LUZP2: variants seen among roughly 807,000 people sequenced by gnomAD.
LUZP2 encodes leucine zipper protein 2.
In LUZP2, 52 loss-of-function variants were observed where a neutral mutation model predicts 51.6. The ratio of observed to expected loss-of-function variants is 1.01; its 90% CI spans 0.81 to 1.27. The LOEUF is 1.27. Ranked by LOEUF, LUZP2 falls within the 50% of genes most tolerant of loss-of-function variation. The pLI is 0.00. For synonymous variants in LUZP2, 154 were observed against 137.3 expected, an observed-to-expected ratio of 1.12 and a Z score of -0.85; for missense variants, 436 against 395.4, an observed-to-expected ratio of 1.10 and a Z score of -0.87.
chr11:25,022,479 T>C (rs1044245670), intron 9 of LUZP2, among the ~76,000 whole-genome samples: 6 of 152,108 alleles, frequency 3.9e-5, no homozygotes, highest in African/African-American at 1.2e-4. Context: ...AAATAGGGAA[T>C]GCAATTTATA....
intron 1 of LUZP2, among the ~76,000 whole-genome samples, chr11:24,575,045 C>T (rs1852598216): frequency 6.6e-6 from 1 of 152,084 alleles, no homozygotes. Flanking sequence ...CAACTTGAAA[C>T]ATTTCTGTCA....
At chr11:24,751,297 A>T (rs2134009128) in intron 4 of LUZP2, among the ~76,000 whole-genome samples, 1 of 152,298 alleles carries the variant, frequency 6.6e-6, no homozygotes, top group Admixed American at 6.5e-5. Flanking sequence ...GACTCACAGA[A>T]ATGAATATAT....
At chr11:24,762,684 G>A (rs184187958) in intron 4 of LUZP2, among the ~76,000 whole-genome samples, 2 of 152,020 alleles carry the variant, frequency 1.3e-5, no homozygotes, top group African/African-American at 2.4e-5. Context: ...CAAAGCACTC[G>A]GGCAGGTAAT....
chr11:24,906,003 A>G lies in LUZP2; in HGVS notation c.409A>G (p.Lys137Glu). ...RDLQNENKSL[K>E]NKLLSGNKLC... ...TTTTCTTCCTCAGAATAAAAGCTTG[A>G]AAAACAAACTCTTGTCAGGAAACAA... The change falls in exon 6 of 12, where the codon AAA (lysine) becomes GAA (glutamate). Residue 137 changes from lysine to glutamate, a missense_variant. By Grantham distance (56) the Lys-to-Glu change is moderately conservative (BLOSUM62 1). Coordinates refer to ENST00000336930, the MANE Select transcript of LUZP2 (RefSeq NM_001009909.4). The G allele has an allele frequency of 1.2e-6, 2 of 1,612,704 alleles. No individual in the cohort carries two copies.
At chr11:24,651,590 T>G (rs1470556755) in intron 1 of LUZP2, among the ~76,000 whole-genome samples, 1 of 152,174 alleles carries the variant, frequency 6.6e-6, no homozygotes, top group Non-Finnish European at 1.5e-5. Flanking sequence ...TTAAAAATTT[T>G]AATTAGCTGG....
chr11:24,958,149 T>C (rs1472727859), intron 7 of LUZP2, among the ~76,000 whole-genome samples: 1 of 152,226 alleles, frequency 6.6e-6, no homozygotes, highest in African/African-American at 2.4e-5. Flanking sequence ...ATCCAGTCTA[T>C]CATTGTTGGA....
At chr11:24,867,241 T>A (rs1244279438) in intron 5 of LUZP2, among the ~76,000 whole-genome samples, 1 of 151,812 alleles carries the variant, frequency 6.6e-6, no homozygotes, top group Non-Finnish European at 1.5e-5. Context: ...GACTCCAGAG[T>A]AGGATTTTAG....
chr11:24,833,712 G>GCGCA (rs112834221), intron 5 of LUZP2, among the ~76,000 whole-genome samples: 3 of 147,132 alleles, frequency 2.0e-5, no homozygotes, highest in African/African-American at 7.5e-5. Context: ...CCGCGCGCGC[G>GCGCA]CACACACACA....
chr11:24,862,941 C>G (rs1244486426), intron 5 of LUZP2, among the ~76,000 whole-genome samples: 1 of 151,920 alleles, frequency 6.6e-6, no homozygotes, highest in African/African-American at 2.4e-5. Flanking sequence ...AATTAATAAG[C>G]ACAAGGAAAG....
chr11:25,032,527 C>G (rs1323695642), intron 9 of LUZP2, among the ~76,000 whole-genome samples: 1 of 152,104 alleles, frequency 6.6e-6, no homozygotes, highest in Non-Finnish European at 1.5e-5. Flanking sequence ...CTCCCTCACC[C>G]AGAAATGTCA....
intron 9 of LUZP2, among the ~76,000 whole-genome samples, chr11:25,023,666 C>T (rs577462438): frequency 6.6e-6 from 1 of 151,920 alleles, no homozygotes; most frequent in Admixed American, 6.6e-5. Flanking sequence ...TATTTCTTGC[C>T]TTCTGCTAGC....
chr11:24,701,574 ATAT>A (rs1857423418), intron 1 of LUZP2: 2 of 154,462 alleles, frequency 1.3e-5, no homozygotes, highest in African/African-American at 4.8e-5. Context: ...AATCTGATTA[ATAT>A]TATACATAGT....
intron 5 of LUZP2, among the ~76,000 whole-genome samples, chr11:24,804,688 T>C (rs1457442953): frequency 6.6e-6 from 1 of 152,140 alleles, no homozygotes; most frequent in Non-Finnish European, 1.5e-5. Flanking sequence ...ATGACCTGTT[T>C]TAGAGAAAGG....
At chr11:24,829,206 G>A (rs2716487) in intron 5 of LUZP2, among the ~76,000 whole-genome samples, 10 of 152,152 alleles carry the variant, frequency 6.6e-5, no homozygotes, top group Admixed American at 2.0e-4. Flanking sequence ...AGAGAGGGGA[G>A]TGAAGTAAGA....
At chr11:24,515,289 C>T (rs1262136415) in intron 1 of LUZP2, among the ~76,000 whole-genome samples, 1 of 152,138 alleles carries the variant, frequency 6.6e-6, no homozygotes, top group African/African-American at 2.4e-5. Flanking sequence ...TCCTCTGTAA[C>T]TTACTCTCTT....
chr11:24,601,998 GTATA>G (rs774764349), intron 1 of LUZP2, among the ~76,000 whole-genome samples: 5 of 73,476 alleles, frequency 6.8e-5, no homozygotes, highest in African/African-American at 2.6e-4. Context: ...GTGTATATAT[GTATA>G]TATATGTATA....
intron 5 of LUZP2, among the ~76,000 whole-genome samples, chr11:24,795,537 G>T (rs555305154): frequency 3.9e-4 from 59 of 152,160 alleles, no homozygotes; most frequent in Middle Eastern, 3.4e-3. Context: ...AAGGTACTGG[G>T]CTCATTTCAT....
intron 5 of LUZP2, among the ~76,000 whole-genome samples, chr11:24,814,035 T>A (rs1447638360): frequency 1.3e-5 from 2 of 152,232 alleles, no homozygotes; most frequent in African/African-American, 4.8e-5. Context: ...TTGTACACAG[T>A]GAACAATTGG....
At chr11:25,033,878 G>A (rs569890532) in intron 9 of LUZP2, among the ~76,000 whole-genome samples, 12 of 152,132 alleles carry the variant, frequency 7.9e-5, no homozygotes, top group South Asian at 4.1e-4. Flanking sequence ...GAATGGTGCC[G>A]CAATGAACAT....
Sources: gnomAD v4.1 joint callset for allele counts (sites outside exome capture counted in the v4.1 genomes callset) on GRCh38, gnomAD v4.1.1 for gene constraint, MANE v1.5 for transcripts, NCBI Gene and HGNC (gene_info 2026-07-23, HGNC 2026-07-21) for gene names.